The following MAML2 variants were observed in gnomAD, a reference collection of about 807,000 sequenced individuals.
MAML2 encodes the protein mastermind-like protein 2.
MAML2 carries 22 observed loss-of-function variants against 96.1 expected under a neutral mutation model. The observed-to-expected ratio is 0.23, with a 90% CI of 0.16 to 0.33. MAML2 has a LOEUF of 0.33. Among genes scored for constraint, MAML2 ranks in the 10% least tolerant of loss-of-function variants. MAML2 has a pLI of 1.00. For missense variants in MAML2, 1,367 were observed against 1,392.4 expected, an observed-to-expected ratio of 0.98 and a Z score of 0.29; for synonymous variants, 561 against 521.3, an observed-to-expected ratio of 1.08 and a Z score of -1.04.
At chr11:96,062,487 T>C (rs1192677854) in intron 2 of MAML2, among the ~76,000 whole-genome samples, 2 of 152,172 alleles carry the variant, frequency 1.3e-5, no homozygotes, top group Non-Finnish European at 2.9e-5. Context: ...ATGGTAATGA[T>C]TTACAATTTA....
chr11:96,323,493 A>C (rs945205712), intron 1 of MAML2, among the ~76,000 whole-genome samples: 6 of 151,798 alleles, frequency 4.0e-5, no homozygotes, highest in African/African-American at 1.5e-4. Flanking sequence ...GAAAAAAAAA[A>C]AAACCCATCT....
intron 2 of MAML2, among the ~76,000 whole-genome samples, chr11:96,040,654 C>A (rs1484244325): frequency 6.6e-6 from 1 of 152,106 alleles, no homozygotes; most frequent in Non-Finnish European, 1.5e-5. Flanking sequence ...GTAATCCTAG[C>A]TACCCAGGAG....
chr11:96,281,405 G>A (rs951337166), intron 1 of MAML2, among the ~76,000 whole-genome samples: 3 of 152,112 alleles, frequency 2.0e-5, no homozygotes, highest in African/African-American at 7.2e-5. Context: ...TGCTCTGGCT[G>A]GGGAGGTGTG....
At chr11:96,086,967 T>A (rs1859626300) in intron 2 of MAML2, among the ~76,000 whole-genome samples, 1 of 152,186 alleles carries the variant, frequency 6.6e-6, no homozygotes, top group African/African-American at 2.4e-5. Context: ...AAGAAGGCCC[T>A]GACAGCACAA....
chr11:96,232,609 A>G (rs934978114), intron 1 of MAML2, among the ~76,000 whole-genome samples: 9 of 152,076 alleles, frequency 5.9e-5, no homozygotes, highest in African/African-American at 1.4e-4. Flanking sequence ...AGCTGGGACT[A>G]CAGGCGCCCG....
At chr11:96,006,403 CT>C (rs892279365) in intron 2 of MAML2, among the ~76,000 whole-genome samples, 2 of 151,794 alleles carry the variant, frequency 1.3e-5, no homozygotes, top group Admixed American at 1.3e-4. Context: ...GGAAAGTCAA[CT>C]TTTTTTTGGT....
intron 2 of MAML2, among the ~76,000 whole-genome samples, chr11:96,058,831 A>C (rs546954528): frequency 6.6e-6 from 1 of 152,348 alleles, no homozygotes; most frequent in African/African-American, 2.4e-5. Context: ...TCTCTATAAT[A>C]GGATTTCCTA....
intron 1 of MAML2, among the ~76,000 whole-genome samples, chr11:96,317,801 G>A (rs537874563): frequency 2.6e-5 from 4 of 152,330 alleles, no homozygotes; most frequent in Admixed American, 2.0e-4. Flanking sequence ...GGGCACCTGC[G>A]TCTTTCTTCT....
intron 2 of MAML2, among the ~76,000 whole-genome samples, chr11:96,002,573 T>C (rs972868502): frequency 2.1e-4 from 31 of 151,018 alleles, no homozygotes; most frequent in Admixed American, 1.3e-3. Context: ...ATGGGGATGA[T>C]GAAGATGATG....
At chr11:96,118,435 C>A (rs1214295174) in intron 1 of MAML2, among the ~76,000 whole-genome samples, 1 of 152,174 alleles carries the variant, frequency 6.6e-6, no homozygotes, top group Non-Finnish European at 1.5e-5. Context: ...AAAGACGTGC[C>A]TTGCTTCCAT....
intron 1 of MAML2, among the ~76,000 whole-genome samples, chr11:96,282,020 C>A (rs550850839): frequency 2.6e-4 from 39 of 152,170 alleles, no homozygotes; most frequent in African/African-American, 8.9e-4. Context: ...GAGGCCGAGG[C>A]AGGCGGATCA....
chr11:96,042,129 A>C (rs1369118850), intron 2 of MAML2, among the ~76,000 whole-genome samples: 1 of 152,058 alleles, frequency 6.6e-6, no homozygotes, highest in East Asian at 1.9e-4. Flanking sequence ...GGCGCCCGCC[A>C]CCATGCCTGG....
In MAML2 at chr11:96,269,184, A is replaced by T. The variant is rs1445158941; in HGVS notation, c.513+72199T>A. Among the ~76,000 whole-genome samples the T allele has an allele frequency of 2.8e-5, 4 of 144,620 alleles. 1 individual carries two copies. Among genetic ancestry groups the T allele is most frequent in the African/African-American group, 1.1e-4 (4 of 37,672 alleles). 94.9% of individuals were successfully genotyped at this position (144,620 alleles called of 152,430 possible). A position where few individuals can be genotyped will look rare whatever the true frequency, so the allele number is the denominator to read the frequency against. ...TTGCCTGTTATTGAAGATGATTAAG[A>T]CGGATGACTTCATGGTGGGCATACT... On this transcript the variant is annotated intron_variant, in intron 1 of 4. Coordinates refer to ENST00000524717, the MANE Select transcript of MAML2 (RefSeq NM_032427.4).
chr11:96,322,351 A>T (rs182537411), intron 1 of MAML2, among the ~76,000 whole-genome samples: 128 of 152,316 alleles, frequency 8.4e-4, no homozygotes, highest in Non-Finnish European at 3.2e-4. Flanking sequence ...CCTGAACTGC[A>T]AAAGAGAATG....
In MAML2 at chr11:96,092,636, G is replaced by C. The variant is rs1373785333; in HGVS notation, c.1395C>G (p.Pro465=). Residue 465 remains proline (P), a synonymous_variant, in exon 2 of 5, where the codon CCC becomes CCG. Transcript: ENST00000524717. The surrounding 1 kb of genome is among the most constrained non-coding windows in gnomAD (Gnocchi z 4.1). The part of the protein sequence containing the change: ...QHQPTNWSAL[P]SSAGPSPGPF... ...GACCTGGTGATGGTCCAGCAGAAGAGGGCAAGGCTGACCAGTTGGTAGGCT... is the reference window on the plus strand; with the variant it reads ...GACCTGGTGATGGTCCAGCAGAAGACGGCAAGGCTGACCAGTTGGTAGGCT... 2 of 1,613,566 alleles carry C rather than the reference G, an allele frequency of 1.2e-6. No homozygotes were observed. Among genetic ancestry groups the C allele is most frequent in the Admixed American group, 1.7e-5 (1 of 59,992 alleles).
rs113169589 is a variant in MAML2 at position 96,074,279 on chromosome 11, G to A, written c.2139+17613C>T. ...GTTCCACTGATGCCGTGTGGCTTTC[G>A]ATAAGCTCAGATTCTCAAAATACAG... On this transcript the variant is annotated intron_variant, in intron 2 of 4. Transcript: ENST00000524717. Among the ~76,000 whole-genome samples the A allele has an allele frequency of 1.9e-3, 285 of 152,304 alleles. 2 individuals are homozygous for A. Among genetic ancestry groups the A allele is most frequent in the African/African-American group, 6.7e-3 (277 of 41,560 alleles).
intron 2 of MAML2, among the ~76,000 whole-genome samples, chr11:96,087,853 A>G (rs1334173773): frequency 6.6e-6 from 1 of 152,178 alleles, no homozygotes; most frequent in African/African-American, 2.4e-5. Flanking sequence ...CAAAACACCA[A>G]ATTCATGATT....
At chr11:96,310,833 T>C (rs1181574538) in intron 1 of MAML2, among the ~76,000 whole-genome samples, 1 of 152,226 alleles carries the variant, frequency 6.6e-6, no homozygotes, top group African/African-American at 2.4e-5. Flanking sequence ...CTTTATAAGC[T>C]ATAATCTGCT....
At chr11:96,183,093 G>T (rs1348550626) in intron 1 of MAML2, among the ~76,000 whole-genome samples, 1 of 151,712 alleles carries the variant, frequency 6.6e-6, no homozygotes, top group Non-Finnish European at 1.5e-5. Flanking sequence ...AAGTAGCTGG[G>T]ACTACAGGCG....
Sources: gnomAD v4.1 joint callset for allele counts (sites outside exome capture counted in the v4.1 genomes callset) on GRCh38, gnomAD v4.1.1 for gene constraint, Gnocchi (gnomAD v3.1) non-coding constraint, MANE v1.5 for transcripts, NCBI Gene and HGNC (gene_info 2026-07-23, HGNC 2026-07-21) for gene names.